NELL1: variants seen among roughly 807,000 people sequenced by gnomAD.
The protein encoded by NELL1 is neural EGFL like 1, also known as protein kinase C-binding protein NELL1.
In NELL1, 76 loss-of-function variants were observed where a neutral mutation model predicts 107.4. That is an observed-to-expected ratio of 0.71 (90% CI 0.59 to 0.86). NELL1 has a LOEUF of 0.86. Ranked by LOEUF, NELL1 falls within the 40% of genes least tolerant of loss-of-function variation. The pLI, the probability that NELL1 is intolerant of heterozygous loss-of-function variation, is 0.00. For missense variants in NELL1, 1,024 were observed against 1,005.5 expected, an observed-to-expected ratio of 1.02 and a Z score of -0.25; for synonymous variants, 353 against 341.2, an observed-to-expected ratio of 1.03 and a Z score of -0.38.
rs184066093 is a variant in NELL1, at chr11:20,968,728, G to A, written c.1300+8168G>A. The stretch of plus-strand genomic sequence containing the variant: ...TCAAATGGATGTTCCAGCTTAACAC[G>A]TGGCTCCCCTCAAAACCATGATTCA... On this transcript the variant is annotated intron_variant, in intron 12 of 19. Transcript: ENST00000357134. Among the ~76,000 whole-genome samples, 50 of 152,238 alleles carry A rather than the reference G, an allele frequency of 3.3e-4. No homozygotes were observed. In the East Asian group the frequency reaches 6.0e-3, roughly 18 times the overall value.
chr11:20,974,477 C>T (rs1564994422), intron 12 of NELL1, among the ~76,000 whole-genome samples: 2 of 147,650 alleles, frequency 1.4e-5, no homozygotes, highest in South Asian at 2.2e-4. Context: ...TTCCTGTTAT[C>T]TTTTTTTTTT....
chr11:21,270,423 T>A (rs1321203058), intron 14 of NELL1, among the ~76,000 whole-genome samples: 1 of 151,894 alleles, frequency 6.6e-6, no homozygotes, highest in African/African-American at 2.4e-5. Flanking sequence ...GCAAGAAAAA[T>A]TATCAGGGAT....
intron 8 of NELL1, 36 bp from the exon 9 acceptor site, chr11:20,928,341 C>T (rs778302215): frequency 3.2e-6 from 5 of 1,557,146 alleles, no homozygotes; most frequent in Non-Finnish European, 4.4e-6. Context: ...TCAAAGGATA[C>T]TTCTGAGATT....
chr11:20,787,059 G>A (rs1463021355), intron 3 of NELL1, among the ~76,000 whole-genome samples: 1 of 140,292 alleles, frequency 7.1e-6, no homozygotes, highest in Non-Finnish European at 1.5e-5. Flanking sequence ...ACTTGCAAGA[G>A]AGCCAAGCAG....
In NELL1 at chr11:21,333,361, A is replaced by G. The variant is rs113143161; in HGVS notation, c.1550-37492A>G. Reference sequence around the variant, plus strand: ...AGGTGAAATCAGACAATGTAGGTAAACCATTCTTGCCATATCATCACTACG... The same window carrying G: ...AGGTGAAATCAGACAATGTAGGTAAGCCATTCTTGCCATATCATCACTACG... On this transcript the variant is annotated intron_variant, in intron 14 of 19. Coordinates refer to ENST00000357134, the MANE Select transcript of NELL1 (RefSeq NM_006157.5). 3.8e-3 allele frequency among the ~76,000 whole-genome samples: 577 copies of G among 152,132 alleles called. 2 individuals carry two copies. The highest frequency in any genetic ancestry group is 0.013 in the African/African-American group (555 of 41,548).
At chr11:21,052,073 C>T (rs555320336) in intron 12 of NELL1, among the ~76,000 whole-genome samples, 13 of 152,004 alleles carry the variant, frequency 8.6e-5, no homozygotes, top group Admixed American at 7.9e-4. Flanking sequence ...AACAGACCTG[C>T]ATAGAGTGAG....
At chr11:21,028,400 TA>T in intron 12 of NELL1, among the ~76,000 whole-genome samples, 1 of 152,286 alleles carries the variant, frequency 6.6e-6, no homozygotes, top group East Asian at 1.9e-4. Flanking sequence ...CATTCAGAGC[TA>T]AGAAAACATT....
At chr11:21,450,072 A>G (rs1416637820) in intron 15 of NELL1, among the ~76,000 whole-genome samples, 1 of 152,242 alleles carries the variant, frequency 6.6e-6, no homozygotes, top group Non-Finnish European at 1.5e-5. Context: ...ACCTGTTAAC[A>G]CTAATGAAAA....
At chr11:21,129,908 C>T (rs1279711362) in intron 13 of NELL1, among the ~76,000 whole-genome samples, 2 of 151,878 alleles carry the variant, frequency 1.3e-5, no homozygotes, top group Admixed American at 6.6e-5. Context: ...AGAGAGTAAC[C>T]ATTATGTTAT....
chr11:21,309,358 C>A (rs182094041), intron 14 of NELL1, among the ~76,000 whole-genome samples: 152 of 142,406 alleles, frequency 1.1e-3, no homozygotes, highest in African/African-American at 3.7e-3. Flanking sequence ...TCTATCATTT[C>A]TTAGAATGAT....
chr11:20,711,117 G>T (rs1855103328), intron 2 of NELL1, among the ~76,000 whole-genome samples: 1 of 151,988 alleles, frequency 6.6e-6, no homozygotes, highest in Admixed American at 6.6e-5. Flanking sequence ...TGTGACCTTA[G>T]ATATTCTATT....
At chr11:21,448,017 C>T (rs927379508) in intron 15 of NELL1, among the ~76,000 whole-genome samples, 3 of 152,208 alleles carry the variant, frequency 2.0e-5, no homozygotes, top group African/African-American at 7.2e-5. Context: ...AATCGCTTTT[C>T]TCTCCTTCTC....
intron 16 of NELL1, among the ~76,000 whole-genome samples, chr11:21,546,392 G>A (rs1405498462): frequency 6.6e-6 from 1 of 151,928 alleles, no homozygotes; most frequent in African/African-American, 2.4e-5. Context: ...TGTCTAAACA[G>A]CAATTCAGAG....
chr11:20,988,504 T>C lies in NELL1; in HGVS notation c.1300+27944T>C, dbSNP rs185832531. ...ATATATACACATGTACATATATGTG[T>C]GTATATATACATATCTATCTATATA... On this transcript the variant is annotated intron_variant, in intron 12 of 19. Coordinates refer to ENST00000357134, the MANE Select transcript of NELL1 (RefSeq NM_006157.5). Among the ~76,000 whole-genome samples the C allele has an allele frequency of 3.4e-4, 51 of 151,284 alleles. No homozygotes were observed. The East Asian group carries it at 6.2e-3, about 18-fold the overall frequency.
At chr11:20,967,544 C>T (rs1851411540) in intron 12 of NELL1, among the ~76,000 whole-genome samples, 1 of 152,222 alleles carries the variant, frequency 6.6e-6, no homozygotes, top group Non-Finnish European at 1.5e-5. Flanking sequence ...GGTCATAAGA[C>T]ATAGACATCA....
intron 10 of NELL1, among the ~76,000 whole-genome samples, chr11:20,946,061 G>A (rs1302645232): frequency 2.0e-5 from 3 of 152,162 alleles, no homozygotes; most frequent in Non-Finnish European, 4.4e-5. Flanking sequence ...ATGAGCAGTT[G>A]GAAATTTATA....
intron 5 of NELL1, among the ~76,000 whole-genome samples, chr11:20,917,104 T>C (rs1850275318): frequency 6.6e-6 from 1 of 152,002 alleles, no homozygotes; most frequent in African/African-American, 2.4e-5. Context: ...TCATTTAGAT[T>C]GTGCTCCATT....
chr11:21,310,667 A>G (rs868077107), intron 14 of NELL1, among the ~76,000 whole-genome samples: 15 of 152,052 alleles, frequency 9.9e-5, no homozygotes, highest in African/African-American at 3.4e-4. Context: ...TTGATGTTGC[A>G]TTATAGAAAT....
At chr11:21,513,606 T>G (rs1023246443) in intron 15 of NELL1, among the ~76,000 whole-genome samples, 15 of 152,228 alleles carry the variant, frequency 9.9e-5, no homozygotes, top group African/African-American at 3.6e-4. Context: ...CAGAGATTGT[T>G]GTTTTGTTAA....
Sources: allele counts gnomAD v4.1 joint callset (sites outside exome capture counted in the v4.1 genomes callset), GRCh38; gene constraint gnomAD v4.1.1; transcripts MANE v1.5; gene names NCBI Gene and HGNC (gene_info 2026-07-23, HGNC 2026-07-21).